The following SUMF1 variants were observed in gnomAD, a reference collection of about 807,000 sequenced individuals.
SUMF1 encodes the protein sulfatase modifying factor 1, also known as formylglycine-generating enzyme.
A neutral mutation model predicts 47.6 loss-of-function variants in SUMF1; 48 were observed. The ratio of observed to expected loss-of-function variants is 1.01; its 90% CI spans 0.80 to 1.28. The LOEUF (loss-of-function observed/expected upper bound fraction) is 1.28. Ranked by LOEUF, SUMF1 falls within the 50% of genes most tolerant of loss-of-function variation. The probability of loss-of-function intolerance (pLI) is 0.00; values close to 1 mark genes in which losing one functional copy is unlikely to be tolerated. For synonymous variants in SUMF1, 230 were observed against 192.1 expected (o/e 1.20, Z -1.63); for missense variants, 571 against 485.4 (o/e 1.18, Z -1.66).
At chr3:4,267,690 C>A (rs545695406) in intron 8 of SUMF1, among the ~76,000 whole-genome samples, 3,754 of 151,216 alleles carry the variant, frequency 0.025, 144 homozygotes, top group African/African-American at 0.086. Flanking sequence ...AATGAGATAT[C>A]ATCTCACACC....
intron 8 of SUMF1, among the ~76,000 whole-genome samples, chr3:4,288,432 T>A (rs748999737): frequency 1.3e-5 from 2 of 152,088 alleles, no homozygotes; most frequent in Non-Finnish European, 2.9e-5. Context: ...ATTACTATCA[T>A]GGGTCTCTGT....
intron 9 of SUMF1, among the ~76,000 whole-genome samples, chr3:4,067,459 G>C (rs892952284): frequency 2.0e-5 from 3 of 152,164 alleles, no homozygotes; most frequent in South Asian, 2.1e-4. Context: ...AGATGATGTT[G>C]CACATGATAA....
chr3:4,222,905 T>C (rs1159432795), intron 8 of SUMF1, among the ~76,000 whole-genome samples: 1 of 151,878 alleles, frequency 6.6e-6, no homozygotes, highest in Non-Finnish European at 1.5e-5. Context: ...GTGCCCCGAG[T>C]CCTACAACAA....
intron 8 of SUMF1, among the ~76,000 whole-genome samples, chr3:4,328,062 T>C (rs543831825): frequency 6.6e-6 from 1 of 150,936 alleles, no homozygotes; most frequent in African/African-American, 2.4e-5. Flanking sequence ...CAAAAAAAAA[T>C]TAAAAATTAG....
At chr3:4,210,508 A>C (rs1270187507) in intron 8 of SUMF1, among the ~76,000 whole-genome samples, 1 of 152,160 alleles carries the variant, frequency 6.6e-6, no homozygotes, top group Non-Finnish European at 1.5e-5. Context: ...TGAAGTTCAA[A>C]GGGGAAAGAA....
intron 9 of SUMF1, among the ~76,000 whole-genome samples, chr3:4,037,330 T>C (rs1694818154): frequency 6.6e-6 from 1 of 152,226 alleles, no homozygotes; most frequent in South Asian, 2.1e-4. Context: ...TAGTAAGTTC[T>C]AAGTGGTCTC....
intron 8 of SUMF1, among the ~76,000 whole-genome samples, chr3:4,291,240 C>A (rs774307917): frequency 9.5e-4 from 144 of 152,278 alleles, no homozygotes; most frequent in Non-Finnish European, 1.5e-3. Context: ...TATGTTAACA[C>A]TGATGGTAGT....
In SUMF1 at chr3:4,172,628, G is replaced by T. The variant is rs530724575; in HGVS notation, c.1015-103883C>A. On this transcript the variant is annotated intron_variant and NMD_transcript_variant, in intron 8 of 12. Coordinates refer to the SUMF1 transcript ENST00000448413. ...AAGAATAAGTTTCATATGTTTGTTG[G>T]CTGCAGAAATGTCTTCTTTTGAGAA... Among the ~76,000 whole-genome samples, 3 of 152,268 alleles carry T rather than the reference G, an allele frequency of 2.0e-5. 1 individual carries two copies. In the South Asian group the frequency reaches 6.2e-4, roughly 32 times the overall value.
chr3:4,169,720 G>C (rs1052824323), intron 8 of SUMF1, among the ~76,000 whole-genome samples: 4 of 152,190 alleles, frequency 2.6e-5, no homozygotes, highest in Admixed American at 2.0e-4. Flanking sequence ...AGCTCCTGTA[G>C]CATATGGCCA....
chr3:4,098,262 C>G (rs963602935), intron 8 of SUMF1, among the ~76,000 whole-genome samples: 1 of 152,048 alleles, frequency 6.6e-6, no homozygotes, highest in Non-Finnish European at 1.5e-5. Context: ...ATCAACAAAA[C>G]TATAAAATAT....
At chr3:4,303,149 C>T (rs552523294) in intron 8 of SUMF1, among the ~76,000 whole-genome samples, 1 of 152,204 alleles carries the variant, frequency 6.6e-6, no homozygotes, top group Non-Finnish European at 1.5e-5. Context: ...TTTGTTTCGT[C>T]CGTACCTTAC....
chr3:4,424,890 T>C (rs921863876), intron 3 of SUMF1, among the ~76,000 whole-genome samples: 6 of 152,210 alleles, frequency 3.9e-5, no homozygotes, highest in African/African-American at 1.2e-4. Flanking sequence ...ACAGGTTTTC[T>C]CAACCTCAGC....
In SUMF1 at chr3:4,457,138, C is replaced by T. The variant is rs1013796639; in HGVS notation, c.271-4089G>A. On this transcript the variant is annotated intron_variant, in intron 1 of 8. Coordinates refer to ENST00000272902, the MANE Select transcript of SUMF1 (RefSeq NM_182760.4). ...GTTTTTTTTAGTAGAGACAGGGTTT[C>T]ACCATGTTAGCCAGGATGGTCTCAA... 9.5e-5 allele frequency among the ~76,000 whole-genome samples: 14 copies of T among 148,104 alleles called. No individual in the cohort carries two copies. The East Asian group carries it at 1.6e-3, about 17-fold the overall frequency.
chr3:4,077,202 T>C (rs1169257963), intron 8 of SUMF1, among the ~76,000 whole-genome samples: 2 of 152,106 alleles, frequency 1.3e-5, no homozygotes, highest in African/African-American at 4.8e-5. Context: ...TTTTACACTG[T>C]TGGTGGGAGT....
intron 8 of SUMF1, among the ~76,000 whole-genome samples, chr3:4,265,795 G>A (rs1282492611): frequency 6.6e-6 from 1 of 152,158 alleles, no homozygotes; most frequent in African/African-American, 2.4e-5. Context: ...TAGACATGAA[G>A]TCCTTGCCTG....
chr3:4,039,234 T>TTTTA (rs869069592), intron 9 of SUMF1, among the ~76,000 whole-genome samples: 3 of 123,216 alleles, frequency 2.4e-5, no homozygotes, highest in Non-Finnish European at 4.9e-5. Context: ...TTTTTTTTTT[T>TTTTA]ATTATACTCT....
At chr3:4,121,387 C>A (rs1693536912) in intron 8 of SUMF1, among the ~76,000 whole-genome samples, 2 of 152,126 alleles carry the variant, frequency 1.3e-5, no homozygotes, top group Non-Finnish European at 1.5e-5. Flanking sequence ...TTGGATCTCA[C>A]TTCATCTTCT....
intron 9 of SUMF1, among the ~76,000 whole-genome samples, chr3:4,048,102 T>C (rs1385502555): frequency 6.6e-6 from 1 of 152,152 alleles, no homozygotes; most frequent in Non-Finnish European, 1.5e-5. Flanking sequence ...TAATATTCCA[T>C]TTCCTATAAT....
chr3:4,072,130 T>G (rs1007325797), intron 8 of SUMF1, among the ~76,000 whole-genome samples: 2 of 152,120 alleles, frequency 1.3e-5, no homozygotes, highest in Non-Finnish European at 2.9e-5. Context: ...TGCAGCCTCC[T>G]TTAGTGATAC....
Sources: allele counts gnomAD v4.1 joint callset (sites outside exome capture counted in the v4.1 genomes callset), GRCh38; gene constraint gnomAD v4.1.1; transcripts MANE v1.5; gene names NCBI Gene and HGNC (gene_info 2026-07-23, HGNC 2026-07-21).